Variants in PGS1 observed in about 807,000 individuals in gnomAD.
The protein encoded by PGS1 is phosphatidylglycerophosphate synthase 1, also known as CDP-diacylglycerol--glycerol-3-phosphate 3-phosphatidyltransferase, mitochondrial.
PGS1 carries 44 observed loss-of-function variants against 58.3 expected under a neutral mutation model. That is an observed-to-expected ratio of 0.75 (90% confidence interval 0.59 to 0.97). The LOEUF (loss-of-function observed/expected upper bound fraction) is 0.97. Ranked by LOEUF, PGS1 falls within the 50% of genes least tolerant of loss-of-function variation. PGS1 has a pLI of 0.00. For missense variants in PGS1, 684 were observed against 731.1 expected (o/e 0.94, Z 0.74); for synonymous variants, 330 against 311.0 (o/e 1.06, Z -0.64).
chr17:78,389,698 C>G (rs1282485652), intron 1 of PGS1, among the ~76,000 whole-genome samples: 1 of 152,026 alleles, frequency 6.6e-6, no homozygotes, highest in African/African-American at 2.4e-5. Context: ...ACTGCAACCT[C>G]CGCCTCCTGG....
intron 1 of PGS1, among the ~76,000 whole-genome samples, chr17:78,387,414 C>G (rs1356299348): frequency 8.2e-5 from 12 of 146,730 alleles, no homozygotes; most frequent in Admixed American, 6.0e-4. Context: ...AGTCTCCTTC[C>G]TCAGCCTCCC....
chr17:78,400,430 TCTC>T lies in PGS1; in HGVS notation c.702-243_702-241del, dbSNP rs2083566492. Among the ~76,000 whole-genome samples the T allele has an allele frequency of 6.6e-6, 1 of 151,962 alleles. No homozygotes were observed. Among genetic ancestry groups the T allele is most frequent in the African/African-American group, 2.4e-5 (1 of 41,392 alleles). ...GGTTAGTTGACTTTCTGTGTCTGCA[TCTC>T]CTCTTCTCAGCTACACTGTCGGCTC... is the stretch of plus-strand genomic sequence containing the variant. On this transcript the variant is annotated intron_variant, in intron 5 of 9. Coordinates refer to ENST00000262764, the MANE Select transcript of PGS1 (RefSeq NM_024419.5). This position sits in a 1 kb window ranked among gnomAD's most constrained non-coding sequence, Gnocchi z 4.4.
At chr17:78,386,718 G>T (rs1226461763) in intron 1 of PGS1, among the ~76,000 whole-genome samples, 1 of 152,176 alleles carries the variant, frequency 6.6e-6, no homozygotes, top group African/African-American at 2.4e-5. Flanking sequence ...TGCGCAGGTG[G>T]TCAGCCCCTG....
At chr17:78,379,689 G>T (rs2081898404) in intron 1 of PGS1, among the ~76,000 whole-genome samples, 1 of 151,838 alleles carries the variant, frequency 6.6e-6, no homozygotes, top group South Asian at 2.1e-4. Flanking sequence ...TGGGCATGGT[G>T]GTGCATGGCT....
intron 9 of PGS1, chr17:78,420,193 A>G (rs1228759833): frequency 3.0e-6 from 3 of 999,552 alleles, no homozygotes; most frequent in Non-Finnish European, 3.6e-6. Flanking sequence ...CCTCGCTGAC[A>G]TCCCTGTGCT....
intron 9 of PGS1, chr17:78,421,970 CTG>C (rs771986274): frequency 4.4e-5 from 1 of 22,918 alleles, no homozygotes; most frequent in Non-Finnish European, 1.9e-4. Context: ...GTTCCAGTCC[CTG>C]TGTTCCCCGT....
chr17:78,421,241 T>C (rs2085708483), intron 9 of PGS1: 1 of 152,024 alleles, frequency 6.6e-6, no homozygotes, highest in African/African-American at 2.4e-5. Flanking sequence ...CCTGATCTCT[T>C]TATCATCTTC....
chr17:78,384,163 A>C (rs2082218271), intron 1 of PGS1, among the ~76,000 whole-genome samples: 1 of 152,138 alleles, frequency 6.6e-6, no homozygotes, highest in African/African-American at 2.4e-5. Context: ...AGCCAAGGGG[A>C]GAGTCATCTA....
Position 78,378,739 on chromosome 17 carries a change from C to T in PGS1, c.74C>T (p.Pro25Leu), listed in dbSNP as rs1375283427. 8.0e-6 allele frequency: 12 copies of T among 1,508,842 alleles called. No homozygotes were observed. Among genetic ancestry groups the T allele is most frequent in the Non-Finnish European group, 9.7e-6 (11 of 1,135,272 alleles). 93.5% of individuals were successfully genotyped at this position (1,508,842 alleles called of 1,614,324 possible). A position where few individuals can be genotyped will look rare whatever the true frequency, so the allele number is the denominator to read the frequency against. Residue 25 changes from proline (P) to leucine (L), a missense_variant, in exon 1 of 10, where the codon CCA becomes CTA. Pro to Leu is a moderately conservative substitution (Grantham distance 98, BLOSUM62 -3). Transcript: ENST00000262764. ...RRLLGLLPGR[P>L]GLAALLGRLS... is the part of the protein sequence containing the mutation. ...CTGCTGGGCCTCCTGCCTGGCCGCC[C>T]AGGGCTGGCCGCGCTCCTGGGACGC...
chr17:78,418,262 A>C lies in PGS1; in HGVS notation c.1552-1284A>C, dbSNP rs543421428. On this transcript the variant is annotated intron_variant, in intron 8 of 9. Coordinates refer to ENST00000262764, the MANE Select transcript of PGS1 (RefSeq NM_024419.5). ...TAAATGTTTTTAAACCTGTTTTTAA[A>C]TATGAAATTAACATGTGTTCACTAT... Among the ~76,000 whole-genome samples, 13 of 152,042 alleles carry C rather than the reference A, an allele frequency of 8.6e-5. No homozygotes were observed. In the East Asian group the frequency reaches 2.5e-3, roughly 29 times the overall value.
chr17:78,412,408 CATAG>C (rs1486829984), intron 7 of PGS1, among the ~76,000 whole-genome samples: 2 of 152,130 alleles, frequency 1.3e-5, no homozygotes, highest in African/African-American at 2.4e-5. Context: ...ATATGGGAAA[CATAG>C]ATAGACATAG....
At chr17:78,383,632 A>G (rs555878358) in intron 1 of PGS1, among the ~76,000 whole-genome samples, 1 of 152,300 alleles carries the variant, frequency 6.6e-6, no homozygotes, top group Admixed American at 6.5e-5. Context: ...GAACTTTGTG[A>G]TGGGATTCGG....
intron 1 of PGS1, among the ~76,000 whole-genome samples, chr17:78,387,696 T>TTTAAGCA (rs1188792638): frequency 1.3e-5 from 2 of 149,340 alleles, no homozygotes; most frequent in Non-Finnish European, 3.0e-5. Flanking sequence ...AACACCTGGG[T>TTTAAGCA]TTAAGCAGTC....
intron 6 of PGS1, among the ~76,000 whole-genome samples, chr17:78,401,273 CGAG>C (rs2083641142): frequency 6.6e-6 from 1 of 152,154 alleles, no homozygotes; most frequent in South Asian, 2.1e-4. Flanking sequence ...TGTGCCTGGG[CGAG>C]TGACCCAGAA....
Position 78,419,655 on chromosome 17 carries a change from A to G in PGS1, c.1661A>G (p.Asn554Ser). Residue 554 changes from asparagine (N) to serine (S), a missense_variant, in exon 9 of 10, where the codon AAC (asparagine) becomes AGC (serine). By Grantham distance (46) the Asn-to-Ser change is conservative. Coordinates refer to ENST00000262764, the MANE Select transcript of PGS1 (RefSeq NM_024419.5). ...WVKMVTPLIK[N>S]FF ...AAGATGGTGACTCCACTGATCAAGA[A>G]CTTCTTCTGAGGACAGACAGGTGCT... is the stretch of plus-strand genomic sequence containing the variant. 1 of 1,613,926 alleles carries G rather than the reference A, an allele frequency of 6.2e-7. No individual in the cohort carries two copies. The highest frequency in any genetic ancestry group is 8.5e-7 in the Non-Finnish European group (1 of 1,179,922).
At chr17:78,396,808 C>G (rs887354155) in intron 3 of PGS1, among the ~76,000 whole-genome samples, 7 of 152,242 alleles carry the variant, frequency 4.6e-5, no homozygotes, top group African/African-American at 1.7e-4. Context: ...CTTTAAATTT[C>G]TGTATTGGTA....
At chr17:78,395,864 A>G (rs2083193170) in intron 2 of PGS1, among the ~76,000 whole-genome samples, 1 of 152,212 alleles carries the variant, frequency 6.6e-6, no homozygotes. Context: ...TCAGCCTCCC[A>G]GGTAGCTGGG....
At position 78,424,377 on chromosome 17, in the gene PGS1, G is replaced by C. The variant is rs2086307237; in HGVS notation, c.*327G>C. ...GGGCTCAAGGAACAGCTCAGCTAAA[G>C]CCCTCGGGTTCCATCCGTTTAAATC... On this transcript the variant is annotated 3_prime_UTR_variant, in exon 10 of 10. Transcript: ENST00000262764. 1 of 508,678 alleles carries C rather than the reference G, an allele frequency of 2.0e-6. No homozygotes were observed. 31.5% of individuals were successfully genotyped at this position (508,678 alleles called of 1,614,324 possible).
intron 1 of PGS1, among the ~76,000 whole-genome samples, chr17:78,381,368 A>G (rs1273551427): frequency 6.6e-6 from 1 of 152,202 alleles, no homozygotes; most frequent in Non-Finnish European, 1.5e-5. Flanking sequence ...ATCCTCGGAA[A>G]TAATGCCTAT....
Sources: gnomAD v4.1 joint callset for allele counts (sites outside exome capture counted in the v4.1 genomes callset) on GRCh38, gnomAD v4.1.1 for gene constraint, Gnocchi (gnomAD v3.1) non-coding constraint, MANE v1.5 for transcripts, NCBI Gene and HGNC (gene_info 2026-07-23, HGNC 2026-07-21) for gene names.